The following DRAM1 variants were observed in gnomAD, a reference collection of about 807,000 sequenced individuals.
The protein encoded by DRAM1 is DNA damage regulated autophagy modulator 1.
In DRAM1, 25 loss-of-function variants were observed where a neutral mutation model predicts 28.5. The ratio of observed to expected loss-of-function variants is 0.88; its 90% CI spans 0.64 to 1.23. The LOEUF (loss-of-function observed/expected upper bound fraction) is 1.23. DRAM1 is among the 50% of genes most tolerant of loss of function. DRAM1 has a pLI of 0.00. For synonymous variants in DRAM1, 113 were observed against 114.2 expected, an observed-to-expected ratio of 0.99 and a Z score of 0.07; for missense variants, 249 against 299.2, an observed-to-expected ratio of 0.83 and a Z score of 1.24.
intron 1 of DRAM1, among the ~76,000 whole-genome samples, chr12:101,889,737 T>G (rs1873030835): frequency 6.6e-6 from 1 of 151,990 alleles, no homozygotes; most frequent in East Asian, 1.9e-4. Flanking sequence ...GTCAGGAGTT[T>G]GAGACCAGCC....
At chr12:101,920,925 A>AAATT in intron 6 of DRAM1, among the ~76,000 whole-genome samples, 1 of 152,318 alleles carries the variant, frequency 6.6e-6, no homozygotes, top group Middle Eastern at 3.4e-3. Context: ...ATAAATAAAT[A>AAATT]AATGAATAAA....
chr12:101,889,030 T>C (rs928774330), intron 1 of DRAM1, among the ~76,000 whole-genome samples: 2 of 151,998 alleles, frequency 1.3e-5, no homozygotes, highest in Non-Finnish European at 2.9e-5. Flanking sequence ...CTTGAACTCC[T>C]GGGCTCAAGA....
chr12:101,892,106 T>C (rs1314980139), intron 1 of DRAM1, among the ~76,000 whole-genome samples: 2 of 152,220 alleles, frequency 1.3e-5, no homozygotes, highest in East Asian at 3.8e-4. Flanking sequence ...TTTACTTATG[T>C]ATGCTGTCCA....
At chr12:101,888,918 C>T (rs368521100) in intron 1 of DRAM1, among the ~76,000 whole-genome samples, 13 of 150,678 alleles carry the variant, frequency 8.6e-5, no homozygotes, top group African/African-American at 3.2e-4. Context: ...GATCCTCCTA[C>T]CTCAGCCTCC....
chr12:101,877,840 C>T lies in DRAM1; in HGVS notation c.51C>T (p.Thr17=), dbSNP rs768121677. 1.9e-6 allele frequency: 3 copies of T among 1,547,394 alleles called. No homozygotes were observed. Among genetic ancestry groups the T allele is most frequent in the Non-Finnish European group, 2.6e-6 (3 of 1,144,874 alleles). Residue 17 remains threonine (T), a synonymous_variant, in exon 1 of 7, where the codon ACC becomes ACT. Coordinates refer to ENST00000258534, the MANE Select transcript of DRAM1 (RefSeq NM_018370.3). The surrounding 1 kb of genome is among the most constrained non-coding windows in gnomAD (Gnocchi z 4.1). The part of the protein sequence containing the change: ...GMAFVPFLLV[T]WSSAAFIISY... ...CTTTCGTCCCCTTCCTCTTGGTGAC[C>T]TGGTCGTCAGCCGCCTTCATTATCT...
chr12:101,912,484 A>G (rs941030602), intron 4 of DRAM1, among the ~76,000 whole-genome samples: 21 of 152,172 alleles, frequency 1.4e-4, no homozygotes, highest in Non-Finnish European at 2.8e-4. Context: ...CCACCCCCAG[A>G]CCAGAATGGT....
chr12:101,917,594 G>A (rs1037524060), intron 5 of DRAM1, among the ~76,000 whole-genome samples: 5 of 151,622 alleles, frequency 3.3e-5, no homozygotes, highest in South Asian at 4.1e-4. Context: ...GCTGAGGCAG[G>A]AGAATTGCTT....
intron 1 of DRAM1, among the ~76,000 whole-genome samples, chr12:101,890,749 A>ATT (rs10616632): frequency 2.2e-5 from 3 of 135,710 alleles, no homozygotes; most frequent in Admixed American, 7.5e-5. Context: ...CCGCCATTCT[A>ATT]TTTTTTTTTT....
At position 101,921,604 on chromosome 12, in the gene DRAM1, G is replaced by T; in HGVS notation, c.*344G>T. 1 of 180,010 alleles carries T rather than the reference G, an allele frequency of 5.6e-6. No homozygotes were observed. Among genetic ancestry groups the T allele is most frequent in the Non-Finnish European group, 1.1e-5 (1 of 87,072 alleles). The allele number at this position is 180,010 out of a possible 1,614,324, so 11.2% of individuals were successfully genotyped here. A position where few individuals can be genotyped will look rare whatever the true frequency, so the allele number is the denominator to read the frequency against. Reference sequence around the variant, plus strand: ...TTGTTTTATTTGTGTGAGATTTATGGAAATACACTAAATGAGTAATTCAGG... The same window carrying T: ...TTGTTTTATTTGTGTGAGATTTATGTAAATACACTAAATGAGTAATTCAGG... On this transcript the variant is annotated 3_prime_UTR_variant, in exon 7 of 7. Transcript: ENST00000258534.
intron 3 of DRAM1, among the ~76,000 whole-genome samples, chr12:101,902,253 AAAGCCTTGT>A (rs1594302947): frequency 6.6e-6 from 1 of 152,206 alleles, no homozygotes; most frequent in East Asian, 1.9e-4. Context: ...AATTATAATA[AAAGCCTTGT>A]AAGATAGGCA....
intron 1 of DRAM1, among the ~76,000 whole-genome samples, chr12:101,879,525 C>G (rs548367448): frequency 2.0e-5 from 3 of 152,364 alleles, no homozygotes. Context: ...AAGCATTCCC[C>G]TTGCTTTGGC....
At position 101,921,273 on chromosome 12, in the gene DRAM1, T is replaced by A. The variant is rs1261540491; in HGVS notation, c.*13T>A. 1 of 1,602,430 alleles carries A rather than the reference T, an allele frequency of 6.2e-7. No individual in the cohort carries two copies. The highest frequency in any genetic ancestry group is 1.3e-5 in the African/African-American group (1 of 74,688). ...TGGTGATATTTGAAGAAAGAAGAAT[T>A]CAGTCTCACTCAGTGAATGTCGCAG... On this transcript the variant is annotated 3_prime_UTR_variant, in exon 7 of 7. Transcript: ENST00000258534.
At chr12:101,920,046 T>A (rs756357519) in intron 5 of DRAM1, 63 bp from the exon 6 acceptor site, 23 of 1,177,030 alleles carry the variant, frequency 2.0e-5, no homozygotes, top group Admixed American at 1.7e-4. Context: ...CTCATTGTAT[T>A]TCAGTATGTA....
At chr12:101,883,702 C>T (rs1417669468) in intron 1 of DRAM1, among the ~76,000 whole-genome samples, 2 of 151,442 alleles carry the variant, frequency 1.3e-5, no homozygotes, top group Non-Finnish European at 1.5e-5. Context: ...CTTTGGGAGG[C>T]CAAAGCAGGC....
At chr12:101,920,297 C>CA in intron 6 of DRAM1, 96 bp downstream of exon 6, 4 of 272,798 alleles carry the variant, frequency 1.5e-5, no homozygotes, top group South Asian at 5.8e-5. Context: ...AGAGCACTTT[C>CA]TTTTTTTTTT....
chr12:101,883,231 G>C (rs1398921852), intron 1 of DRAM1, among the ~76,000 whole-genome samples: 3 of 150,844 alleles, frequency 2.0e-5, no homozygotes, highest in African/African-American at 7.3e-5. Flanking sequence ...GGAGGAGTAG[G>C]TCAAGGTCAG....
intron 1 of DRAM1, chr12:101,890,261 G>T: frequency 3.1e-6 from 1 of 323,238 alleles, no homozygotes. Flanking sequence ...GTATTTTTTA[G>T]TAGAGACAGG....
intron 1 of DRAM1, among the ~76,000 whole-genome samples, chr12:101,896,809 CAG>C (rs1465865193): frequency 1.3e-5 from 2 of 149,390 alleles, no homozygotes; most frequent in African/African-American, 4.9e-5. Context: ...TTTTTTGAGA[CAG>C]AGTTTCACTG....
chr12:101,888,770 A>T (rs1036421520), intron 1 of DRAM1, among the ~76,000 whole-genome samples: 1 of 145,076 alleles, frequency 6.9e-6, no homozygotes, highest in African/African-American at 2.6e-5. Context: ...AGGGCTGATG[A>T]CTTTCAAACA....
Sources: gnomAD v4.1 joint callset for allele counts (sites outside exome capture counted in the v4.1 genomes callset) on GRCh38, gnomAD v4.1.1 for gene constraint, Gnocchi (gnomAD v3.1) non-coding constraint, MANE v1.5 for transcripts, NCBI Gene and HGNC (gene_info 2026-07-23, HGNC 2026-07-21) for gene names.